The following SS18 variants were observed in gnomAD, a reference collection of about 807,000 sequenced individuals.
The protein encoded by SS18 is SS18 subunit of BAF chromatin remodeling complex.
In SS18, 28 loss-of-function variants were observed where a neutral mutation model predicts 72.5. That is an observed-to-expected ratio of 0.39 (90% confidence interval 0.29 to 0.53). The LOEUF (loss-of-function observed/expected upper bound fraction) is 0.53. SS18 is among the 20% of genes least tolerant of loss of function. SS18 has a pLI of 0.76. For synonymous variants in SS18, 172 were observed against 164.2 expected, an observed-to-expected ratio of 1.05 and a Z score of -0.37; for missense variants, 518 against 535.3, an observed-to-expected ratio of 0.97 and a Z score of 0.32.
chr18:26,035,081 A>C lies in SS18; in HGVS notation c.1020T>G (p.Pro340=). The C allele has an allele frequency of 2.5e-6, 4 of 1,613,446 alleles. No individual in the cohort carries two copies. Among genetic ancestry groups the C allele is most frequent in the Non-Finnish European group, 3.4e-6 (4 of 1,179,628 alleles). The change falls in exon 9 of 11, where the codon CCT becomes CCG. Residue 340 remains proline, a synonymous_variant. Transcript: ENST00000415083. This position sits in a 1 kb window ranked among gnomAD's most constrained non-coding sequence, Gnocchi z 4.4. ...GQQQDAYQGP[P]PQQGYPPQQQ... ...GCTGGGGTGGATATCCCTGTTGTGGAGGTGGTCCCTGGTATGCATCTTGCT... is the reference window on the plus strand; with the variant it reads ...GCTGGGGTGGATATCCCTGTTGTGGCGGTGGTCCCTGGTATGCATCTTGCT...
At chr18:26,071,548 G>A (rs1159340297) in intron 3 of SS18, among the ~76,000 whole-genome samples, 1 of 152,138 alleles carries the variant, frequency 6.6e-6, no homozygotes, top group East Asian at 1.9e-4. Context: ...GAATCATGGT[G>A]AGCCAGGTGT....
chr18:26,083,504 G>C (rs900494574), intron 2 of SS18, among the ~76,000 whole-genome samples: 4 of 152,172 alleles, frequency 2.6e-5, no homozygotes, highest in African/African-American at 9.7e-5. Flanking sequence ...AGATGGTATA[G>C]CTTACTACAC....
intron 10 of SS18, among the ~76,000 whole-genome samples, chr18:26,027,661 G>A (rs1267863104): frequency 4.8e-5 from 5 of 103,866 alleles, no homozygotes; most frequent in South Asian, 3.5e-4. Context: ...GTGACAGAGC[G>A]AGACTCATCT....
At position 26,032,394 on chromosome 18, in the gene SS18, C is replaced by T. The variant is rs1289760139; in HGVS notation, c.1230+5G>A. The T allele has an allele frequency of 6.2e-7, 1 of 1,612,476 alleles. No homozygotes were observed. Among genetic ancestry groups the T allele is most frequent in the African/African-American group, 1.3e-5 (1 of 74,962 alleles). On this transcript the variant is annotated splice_donor_5th_base_variant and intron_variant, in intron 10 of 10. Coordinates refer to ENST00000415083, the MANE Select transcript of SS18 (RefSeq NM_001007559.3). ...GGCAATTCTGCAGCCGGTCAAACTA[C>T]TTACCTGGTCATATCCATAAGGCCT...
At chr18:26,067,854 T>C (rs1021595440) in intron 3 of SS18, among the ~76,000 whole-genome samples, 6 of 152,152 alleles carry the variant, frequency 3.9e-5, no homozygotes, top group African/African-American at 1.4e-4. Context: ...GAAGGCAATT[T>C]TTCCACTGAT....
intron 3 of SS18, among the ~76,000 whole-genome samples, chr18:26,066,520 T>C (rs906292316): frequency 9.2e-5 from 14 of 152,046 alleles, no homozygotes; most frequent in Non-Finnish European, 2.1e-4. Context: ...TCATCCCTAA[T>C]GTCAAAGGGA....
chr18:26,080,804 A>C (rs1459722906), intron 2 of SS18, among the ~76,000 whole-genome samples: 1 of 152,126 alleles, frequency 6.6e-6, no homozygotes, highest in African/African-American at 2.4e-5. Context: ...ACAGACATAC[A>C]TATGCACTCA....
intron 10 of SS18, 86 bp downstream of exon 10, chr18:26,032,313 C>G (rs1316334507): frequency 3.5e-5 from 53 of 1,493,910 alleles, no homozygotes; most frequent in Non-Finnish European, 4.7e-5. Context: ...CATGAGGCTT[C>G]AAGTTAAATA....
intron 10 of SS18, among the ~76,000 whole-genome samples, chr18:26,020,555 T>C (rs1567984361): frequency 1.3e-5 from 2 of 152,252 alleles, no homozygotes; most frequent in East Asian, 3.9e-4. Flanking sequence ...AGAGACCAGG[T>C]CAATAATGTA....
intron 10 of SS18, among the ~76,000 whole-genome samples, chr18:26,021,723 A>G (rs9951419): frequency 0.19 from 29,102 of 152,136 alleles, 5,703 homozygotes; most frequent in African/African-American, 0.49. Context: ...TTTATTAGAC[A>G]AGGGAGGAAA....
intron 3 of SS18, chr18:26,068,243 A>G (rs1160146054): frequency 6.6e-6 from 1 of 152,232 alleles, no homozygotes; most frequent in Non-Finnish European, 1.5e-5. Context: ...TATAACTTTA[A>G]ATGAGAATAT....
chr18:26,068,696 G>A (rs962634633), intron 3 of SS18: 1 of 152,070 alleles, frequency 6.6e-6, no homozygotes, highest in African/African-American at 2.4e-5. Flanking sequence ...CTAATCACAT[G>A]CTACCCAAGG....
intron 5 of SS18, among the ~76,000 whole-genome samples, chr18:26,049,426 T>C (rs900649443): frequency 2.0e-5 from 3 of 152,250 alleles, no homozygotes; most frequent in African/African-American, 7.2e-5. Flanking sequence ...CCTGCTTTTA[T>C]AGAGCTTGTT....
chr18:26,056,332 CT>C (rs1483725595), intron 4 of SS18, among the ~76,000 whole-genome samples: 1 of 152,224 alleles, frequency 6.6e-6, no homozygotes, highest in Non-Finnish European at 1.5e-5. Context: ...CTATCACTAC[CT>C]TTCCAGTTCT....
intron 1 of SS18, 88 bp downstream of exon 1, chr18:26,090,413 G>T: frequency 7.3e-7 from 1 of 1,369,922 alleles, no homozygotes; most frequent in Non-Finnish European, 1.0e-6. Context: ...GCCTCGGCCC[G>T]GTCGACTCCG....
At position 26,052,739 on chromosome 18, in the gene SS18, G is replaced by A. The variant is rs750775215; in HGVS notation, c.492C>T (p.Asn164=). The change falls in exon 5 of 11, where the codon AAC becomes AAT. Residue 164 remains asparagine, a synonymous_variant. Coordinates refer to ENST00000415083, the MANE Select transcript of SS18 (RefSeq NM_001007559.3). ...SSSHGSMGGY[N]HSVPSSQSMP... is the part of the protein sequence containing the mutation. The stretch of plus-strand genomic sequence containing the variant: ...TGCTCTGTGATGATGGCACAGAATG[G>A]TTGTAACCTCCCATGGATCCATGGC... 4.3e-6 allele frequency: 7 copies of A among 1,613,996 alleles called. No homozygotes were observed. The African/African-American group carries it at 5.3e-5, about 12-fold the overall frequency.
At chr18:26,089,072 A>G (rs1437343340) in intron 1 of SS18, among the ~76,000 whole-genome samples, 1 of 152,200 alleles carries the variant, frequency 6.6e-6, no homozygotes, top group African/African-American at 2.4e-5. Flanking sequence ...CTCACATCTA[A>G]TATCAATCTC....
At position 26,062,854 on chromosome 18, in the gene SS18, C is replaced by T. The variant is rs190960219; in HGVS notation, c.232-5112G>A. ...TCATAAATGTGTATACATCTCACAA[C>T]ACTGCTTCAAAAATTTATAAAGTAA... is the stretch of plus-strand genomic sequence containing the variant. On this transcript the variant is annotated intron_variant, in intron 3 of 10. Transcript: ENST00000415083. Among the ~76,000 whole-genome samples the T allele has an allele frequency of 4.3e-3, 661 of 152,222 alleles. 2 individuals are homozygous for T. The highest frequency in any genetic ancestry group is 8.3e-3 in the Non-Finnish European group (565 of 68,006).
intron 9 of SS18, among the ~76,000 whole-genome samples, 172 bp downstream of exon 9, chr18:26,034,833 A>G (rs2143852867): frequency 6.6e-6 from 1 of 152,332 alleles, no homozygotes; most frequent in East Asian, 1.9e-4. Context: ...TAAATGGATT[A>G]CTAGTTTATC....
Sources: gnomAD v4.1 joint callset for allele counts (sites outside exome capture counted in the v4.1 genomes callset) on GRCh38, gnomAD v4.1.1 for gene constraint, Gnocchi (gnomAD v3.1) non-coding constraint, MANE v1.5 for transcripts, NCBI Gene and HGNC (gene_info 2026-07-23, HGNC 2026-07-21) for gene names.